SEMA6D: variants seen among roughly 807,000 people sequenced by gnomAD.
SEMA6D encodes semaphorin-6D.
Under a neutral mutation model 106.6 loss-of-function variants are expected in SEMA6D, and 35 were observed. The ratio of observed to expected loss-of-function variants is 0.33; its 90% CI spans 0.25 to 0.44. The LOEUF (loss-of-function observed/expected upper bound fraction) is 0.44. Ranked by LOEUF, SEMA6D falls within the 20% of genes least tolerant of loss-of-function variation. The pLI, the probability that SEMA6D is intolerant of heterozygous loss-of-function variation, is 1.00. For missense variants in SEMA6D, 1,185 were observed against 1,345.9 expected (o/e 0.88, Z 1.87); for synonymous variants, 499 against 487.7 (o/e 1.02, Z -0.31).
rs373833162 is a variant in SEMA6D, at chr15:47,497,320, GT to G, written c.-87+26786del. On this transcript the variant is annotated intron_variant, in intron 3 of 19. Transcript: ENST00000558014. ...ACCAAACAAAAAGGAAAAACAACAA[GT>G]TTTTTTTTTTCCTCAAGCTTTTCTC... 4.3e-3 allele frequency among the ~76,000 whole-genome samples: 638 copies of G among 147,630 alleles called. 2 individuals carry two copies. The highest frequency in any genetic ancestry group is 0.014 in the African/African-American group (577 of 40,482).
intron 3 of SEMA6D, among the ~76,000 whole-genome samples, chr15:47,552,399 T>G (rs972779146): frequency 8.6e-5 from 13 of 151,866 alleles, no homozygotes; most frequent in Non-Finnish European, 1.3e-4. Context: ...TTTATGGCTC[T>G]CAATGTACTT....
chr15:47,272,168 CAT>C lies in SEMA6D; in HGVS notation c.-239+87751_-239+87752del, dbSNP rs376616316. Among the ~76,000 whole-genome samples the C allele has an allele frequency of 4.5e-3, 686 of 152,246 alleles. 9 individuals carry two copies. Among genetic ancestry groups the C allele is most frequent in the African/African-American group, 0.016 (647 of 41,538 alleles). ...AAAAATGGAAAAGTTAGTTTGGAGA[CAT>C]GTTGCCAGATACTGTAGAAAACTGG... On this transcript the variant is annotated intron_variant, in intron 1 of 19. Transcript: ENST00000558014.
intron 1 of SEMA6D, among the ~76,000 whole-genome samples, chr15:47,306,281 C>A (rs1468126518): frequency 2.0e-5 from 3 of 152,052 alleles, no homozygotes; most frequent in Admixed American, 2.0e-4. Flanking sequence ...CCGCGCCTGG[C>A]CCAATGGTAA....
intron 1 of SEMA6D, among the ~76,000 whole-genome samples, chr15:47,247,723 G>A (rs2033283906): frequency 6.6e-6 from 1 of 152,012 alleles, no homozygotes; most frequent in Admixed American, 6.6e-5. Flanking sequence ...TCTAGTCTTT[G>A]TGCATGTGTG....
At chr15:47,360,247 T>G (rs2038752934) in intron 1 of SEMA6D, 2 of 152,218 alleles carry the variant, frequency 1.3e-5, no homozygotes, top group African/African-American at 2.4e-5. Flanking sequence ...GACATTTGTG[T>G]GTTCATATCA....
At chr15:47,495,773 A>G (rs12592235) in intron 3 of SEMA6D, among the ~76,000 whole-genome samples, 50,418 of 151,854 alleles carry the variant, frequency 0.33, 8,655 homozygotes, top group East Asian at 0.49. Context: ...ACAGAAGTAC[A>G]GAAATAATGA....
At chr15:47,186,529 C>T (rs542765046) in intron 1 of SEMA6D, among the ~76,000 whole-genome samples, 1,518 of 146,388 alleles carry the variant, frequency 0.01, 16 homozygotes, top group Non-Finnish European at 0.016. Flanking sequence ...ATTCGTACCT[C>T]TTTTTTTTTT....
At chr15:47,494,829 A>G (rs1648015011) in intron 3 of SEMA6D, among the ~76,000 whole-genome samples, 2 of 133,406 alleles carry the variant, frequency 1.5e-5, no homozygotes, top group African/African-American at 2.7e-5. Context: ...ACACACACAC[A>G]CGCTAATTCA....
chr15:47,594,720 G>A (rs1156693082), intron 3 of SEMA6D, among the ~76,000 whole-genome samples: 1 of 152,186 alleles, frequency 6.6e-6, no homozygotes, highest in East Asian at 1.9e-4. Context: ...ATAGTTTGAT[G>A]AGTATTCTAG....
intron 2 of SEMA6D, among the ~76,000 whole-genome samples, chr15:47,460,751 C>T (rs1246957114): frequency 2.0e-5 from 3 of 152,042 alleles, no homozygotes; most frequent in Admixed American, 6.6e-5. Flanking sequence ...ACTGGGTGAA[C>T]AAACAAATCC....
intron 3 of SEMA6D, among the ~76,000 whole-genome samples, chr15:47,486,154 T>C (rs1468456508): frequency 6.6e-6 from 1 of 152,152 alleles, no homozygotes; most frequent in Non-Finnish European, 1.5e-5. Flanking sequence ...TAAAGCATTT[T>C]AAAAAAGTAT....
At chr15:47,517,551 G>A (rs763096116) in intron 3 of SEMA6D, among the ~76,000 whole-genome samples, 3 of 152,054 alleles carry the variant, frequency 2.0e-5, no homozygotes, top group Non-Finnish European at 4.4e-5. Context: ...AATATAACCT[G>A]AAAAAACAAA....
chr15:47,219,236 G>A (rs760577157), intron 1 of SEMA6D, among the ~76,000 whole-genome samples: 5 of 152,200 alleles, frequency 3.3e-5, no homozygotes, highest in Non-Finnish European at 7.3e-5. Context: ...GGAGTTGGGA[G>A]TGGACTTTCA....
chr15:47,342,025 T>A (rs1465049167), intron 1 of SEMA6D, among the ~76,000 whole-genome samples: 7 of 152,124 alleles, frequency 4.6e-5, no homozygotes, highest in Admixed American at 4.6e-4. Flanking sequence ...TTTCCTTTTT[T>A]TCTTTTTTGT....
intron 3 of SEMA6D, among the ~76,000 whole-genome samples, chr15:47,599,804 T>A (rs890244781): frequency 6.6e-6 from 1 of 152,128 alleles, no homozygotes; most frequent in Non-Finnish European, 1.5e-5. Flanking sequence ...CCAGGTGAAC[T>A]AATCAATCAA....
At chr15:47,592,494 C>T (rs2076457271) in intron 3 of SEMA6D, among the ~76,000 whole-genome samples, 2 of 152,254 alleles carry the variant, frequency 1.3e-5, no homozygotes, top group African/African-American at 4.8e-5. Flanking sequence ...ACCCATTTTC[C>T]TCAATGTTAA....
rs182959443 is a variant in SEMA6D, at chr15:47,360,427, G to T, written c.-238-51966G>T. 1.5e-3 allele frequency among the ~76,000 whole-genome samples: 221 copies of T among 152,272 alleles called. 5 individuals carry two copies. The South Asian group carries it at 0.015, about 10-fold the overall frequency. ...CTTTTTACACTTAAATTAATACAAG[G>T]TAGGTAAAATTTAAAATTCAGCTTC... is the stretch of plus-strand genomic sequence containing the variant. On this transcript the variant is annotated intron_variant, in intron 1 of 19. Coordinates refer to the SEMA6D transcript ENST00000558014.
intron 1 of SEMA6D, among the ~76,000 whole-genome samples, chr15:47,722,156 C>T (rs992189248): frequency 5.9e-5 from 9 of 152,082 alleles, no homozygotes; most frequent in African/African-American, 1.9e-4. Flanking sequence ...AGGAGGCTTG[C>T]CCCAACCTTA....
At chr15:47,577,477 G>C (rs1370853723) in intron 3 of SEMA6D, among the ~76,000 whole-genome samples, 1 of 152,216 alleles carries the variant, frequency 6.6e-6, no homozygotes, top group Non-Finnish European at 1.5e-5. Context: ...AGTGATGGGA[G>C]GCTGGAATTT....
Sources: allele counts gnomAD v4.1 joint callset (sites outside exome capture counted in the v4.1 genomes callset), GRCh38; gene constraint gnomAD v4.1.1; transcripts MANE v1.5; gene names NCBI Gene and HGNC (gene_info 2026-07-23, HGNC 2026-07-21).